Variants in CYFIP2 observed in about 807,000 individuals in gnomAD.
CYFIP2 encodes the protein cytoplasmic FMR1 interacting protein 2, also known as cytoplasmic FMR1-interacting protein 2.
Under a neutral mutation model 158.7 loss-of-function variants are expected in CYFIP2, and 29 were observed. The observed-to-expected ratio is 0.18, with a 90% CI of 0.14 to 0.25. The LOEUF (loss-of-function observed/expected upper bound fraction) is 0.25. Ranked by LOEUF, CYFIP2 falls within the 10% of genes least tolerant of loss-of-function variation. The pLI is 1.00. For missense variants in CYFIP2, 852 were observed against 1,639.5 expected (o/e 0.52, Z 8.29); for synonymous variants, 585 against 617.6 (o/e 0.95, Z 0.78).
chr5:157,390,941 T>G (rs1767219799), intron 30 of CYFIP2, among the ~76,000 whole-genome samples: 1 of 152,214 alleles, frequency 6.6e-6, no homozygotes, highest in Non-Finnish European at 1.5e-5. Context: ...ACTCTGCTGA[T>G]GCCAGTTTCT....
At chr5:157,330,929 C>A in intron 20 of CYFIP2, 79 bp downstream of exon 20, 1 of 1,136,578 alleles carries the variant, frequency 8.8e-7, no homozygotes, top group Non-Finnish European at 1.3e-6. Context: ...GATCAGAAAT[C>A]AGGCCTGGGT....
intron 1 of CYFIP2, among the ~76,000 whole-genome samples, chr5:157,267,617 T>C (rs1303198036): frequency 1.3e-5 from 2 of 152,214 alleles, no homozygotes; most frequent in Non-Finnish European, 2.9e-5. Flanking sequence ...AAGGAGCCAA[T>C]GATTGTGTTT....
At chr5:157,342,204 C>CAGCAGGGAGGTGCTGCA (rs774180291) in intron 23 of CYFIP2, 1 of 152,560 alleles carries the variant, frequency 6.6e-6, no homozygotes, top group Non-Finnish European at 1.5e-5. Flanking sequence ...CTTCTGTTTG[C>CAGCAGGGAGGTGCTGCA]AGCAGGAGGG....
At chr5:157,286,884 G>A in intron 2 of CYFIP2, 135 bp from the exon 3 acceptor site, 1 of 621,474 alleles carries the variant, frequency 1.6e-6, no homozygotes, top group East Asian at 3.1e-5. Context: ...GAAGGGGCAA[G>A]ATGAAAGGTG....
intron 9 of CYFIP2, among the ~76,000 whole-genome samples, chr5:157,308,512 C>A (rs567963081): frequency 6.6e-6 from 1 of 152,270 alleles, no homozygotes; most frequent in East Asian, 1.9e-4. Context: ...GAATTAACTT[C>A]CCATGTTCTC....
At chr5:157,370,325 A>T (rs1764880153) in intron 26 of CYFIP2, among the ~76,000 whole-genome samples, 1 of 152,208 alleles carries the variant, frequency 6.6e-6, no homozygotes, top group Non-Finnish European at 1.5e-5. Flanking sequence ...ACATCTGCAG[A>T]TCACTGATTC....
At chr5:157,387,060 C>T (rs551617946) in intron 28 of CYFIP2, among the ~76,000 whole-genome samples, 111 of 151,838 alleles carry the variant, frequency 7.3e-4, no homozygotes, top group Non-Finnish European at 1.1e-3. Flanking sequence ...GTCATTCCTT[C>T]ACAATATTGA....
At chr5:157,297,384 G>A (rs569618456) in intron 5 of CYFIP2, among the ~76,000 whole-genome samples, 2 of 152,348 alleles carry the variant, frequency 1.3e-5, no homozygotes, top group African/African-American at 4.8e-5. Context: ...CTCTCTAACT[G>A]TGTGTTTGTG....
At chr5:157,365,881 A>G (rs149831859) in intron 26 of CYFIP2, among the ~76,000 whole-genome samples, 80 of 151,998 alleles carry the variant, frequency 5.3e-4, no homozygotes, top group East Asian at 3.7e-3. Context: ...CATTGCATGA[A>G]CAGACTAACT....
Position 157,389,306 on chromosome 5 carries a change from C to A in CYFIP2, c.3325C>A (p.Arg1109=). Residue 1109 remains arginine (R), a synonymous_variant, in exon 29 of 31, where the codon CGG becomes AGG. Coordinates refer to ENST00000620254, the MANE Select transcript of CYFIP2 (RefSeq NM_001037333.3). ...IRSYLQDPIW[R]GPPPTNGVMH... ...GAGCTACCTGCAGGACCCCATCTGGCGGGGCCCACCGCCCACCAATGGCGT... is the reference window on the plus strand; with the variant it reads ...GAGCTACCTGCAGGACCCCATCTGGAGGGGCCCACCGCCCACCAATGGCGT... The A allele has an allele frequency of 3.1e-6, 5 of 1,614,038 alleles. No individual in the cohort carries two copies. The highest frequency in any genetic ancestry group is 1.1e-5 in the South Asian group (1 of 91,084).
chr5:157,382,769 C>T, intron 27 of CYFIP2, 107 bp downstream of exon 27: 1 of 1,107,018 alleles, frequency 9.0e-7, no homozygotes, highest in African/African-American at 1.6e-5. Flanking sequence ...AAGGTTAAAG[C>T]TTTGGACACC....
At chr5:157,339,982 A>G (rs930148658) in intron 22 of CYFIP2, among the ~76,000 whole-genome samples, 2 of 152,210 alleles carry the variant, frequency 1.3e-5, no homozygotes, top group Non-Finnish European at 2.9e-5. Context: ...AGGAAAGGAG[A>G]TGACATGATC....
rs530333038 is a variant in CYFIP2 at position 157,361,051 on chromosome 5, C to T, written c.2909-417C>T. The stretch of plus-strand genomic sequence containing the variant: ...ACCCTCTCTGAGCCTCATCTGAAAC[C>T]AGGGTAATAGTGCCTAGTTAGTGAT... On this transcript the variant is annotated intron_variant, in intron 25 of 30. Coordinates refer to ENST00000620254, the MANE Select transcript of CYFIP2 (RefSeq NM_001037333.3). The surrounding 1 kb of genome is among the most constrained non-coding windows in gnomAD (Gnocchi z 4.4). Among the ~76,000 whole-genome samples, 10 of 152,304 alleles carry T rather than the reference C, an allele frequency of 6.6e-5. No homozygotes were observed. The East Asian group carries it at 1.9e-3, about 29-fold the overall frequency.
chr5:157,273,794 G>C (rs1204474083), intron 1 of CYFIP2, among the ~76,000 whole-genome samples: 1 of 152,068 alleles, frequency 6.6e-6, no homozygotes, highest in Non-Finnish European at 1.5e-5. Flanking sequence ...TTTGGTAGCA[G>C]CTTTATTGAA....
intron 26 of CYFIP2, among the ~76,000 whole-genome samples, chr5:157,369,694 C>A (rs1279423316): frequency 6.6e-6 from 1 of 152,148 alleles, no homozygotes; most frequent in Non-Finnish European, 1.5e-5. Flanking sequence ...TGGGCAGGGT[C>A]ATATTACAGT....
At position 157,294,708 on chromosome 5, in the gene CYFIP2, T is replaced by A. The variant is rs1580993962; in HGVS notation, c.208-75T>A. The stretch of plus-strand genomic sequence containing the variant: ...GGTCCATGGACCATACCATAACTAG[T>A]GAGGATCTGGGGGCTTTTGCAGCCT... On this transcript the variant is annotated intron_variant, in intron 3 of 30. Transcript: ENST00000620254. The A allele has an allele frequency of 6.5e-6, 8 of 1,232,366 alleles. No individual in the cohort carries two copies. In the East Asian group the frequency reaches 1.9e-4, roughly 29 times the overall value. The allele number at this position is 1,232,366 out of a possible 1,614,324, so 76.3% of individuals were successfully genotyped here.
chr5:157,362,486 C>A (rs11749220), intron 26 of CYFIP2: 32,982 of 152,150 alleles, frequency 0.22, 3,967 homozygotes, highest in African/African-American at 0.31. Context: ...TATCAGCTTG[C>A]TTATTTACTT....
chr5:157,313,726 C>T (rs533032090), intron 11 of CYFIP2, among the ~76,000 whole-genome samples: 1 of 152,276 alleles, frequency 6.6e-6, no homozygotes, highest in African/African-American at 2.4e-5. Flanking sequence ...TGTGTATGTA[C>T]ATATATACAC....
intron 26 of CYFIP2, chr5:157,363,007 G>A (rs1282282487): frequency 6.6e-6 from 1 of 152,274 alleles, no homozygotes; most frequent in Non-Finnish European, 1.5e-5. Flanking sequence ...ACCATTGGTA[G>A]TGTTGTCATA....
Sources: allele counts gnomAD v4.1 joint callset (sites outside exome capture counted in the v4.1 genomes callset), GRCh38; gene constraint gnomAD v4.1.1; non-coding constraint Gnocchi (gnomAD v3.1); transcripts MANE v1.5; gene names NCBI Gene and HGNC (gene_info 2026-07-23, HGNC 2026-07-21).